The following STAB2 variants were observed in gnomAD, a reference collection of about 807,000 sequenced individuals.
The protein encoded by STAB2 is stabilin-2.
Under a neutral mutation model 338.1 loss-of-function variants are expected in STAB2, and 288 were observed. That is an observed-to-expected ratio of 0.85 (90% CI 0.77 to 0.94). The LOEUF is 0.94. Ranked by LOEUF, STAB2 falls within the 40% of genes least tolerant of loss-of-function variation. The probability of loss-of-function intolerance (pLI) is 0.00; values close to 1 mark genes in which losing one functional copy is unlikely to be tolerated. For missense variants in STAB2, 3,141 were observed against 3,210.1 expected, an observed-to-expected ratio of 0.98 and a Z score of 0.52; for synonymous variants, 1,202 against 1,193.3, an observed-to-expected ratio of 1.01 and a Z score of -0.15.
Position 103,759,268 on chromosome 12 carries a change from C to A in STAB2, c.7243C>A (p.Gln2415Lys). ...CATCACTGCCAGCCAGGACCCACTC[C>A]AACCGGTACAAAGTCTTCTGGGCTT... ...LLITASQDPL[Q>K]PTETRFVDGR... The change falls in exon 65 of 69, where the codon CAA becomes AAA. Residue 2415 changes from glutamine (Q) to lysine (K), a missense_variant. Physicochemically the swap from Gln to Lys is moderately conservative, Grantham distance 53. Transcript: ENST00000388887. The A allele has an allele frequency of 1.2e-6, 2 of 1,614,018 alleles. No individual in the cohort carries two copies. Among genetic ancestry groups the A allele is most frequent in the East Asian group, 2.2e-5 (1 of 44,870 alleles).
chr12:103,659,148 G>T lies in STAB2; in HGVS notation c.1735-1183G>T, dbSNP rs1024757330. Among the ~76,000 whole-genome samples the T allele has an allele frequency of 2.0e-5, 3 of 152,300 alleles. No homozygotes were observed. The South Asian group carries it at 6.2e-4, about 32-fold the overall frequency. ...TTTCAACATTTTTATTGACAACCCT[G>T]CCCTGCACATAATGCTATTGGCTAA... On this transcript the variant is annotated intron_variant, in intron 15 of 68. Coordinates refer to ENST00000388887, the MANE Select transcript of STAB2 (RefSeq NM_017564.10).
chr12:103,740,837 A>G, intron 55 of STAB2, 81 bp downstream of exon 55: 1 of 1,469,238 alleles, frequency 6.8e-7, no homozygotes, highest in Non-Finnish European at 9.0e-7. Context: ...AATGTACCAA[A>G]ATTATAGGGG....
intron 34 of STAB2, among the ~76,000 whole-genome samples, chr12:103,699,502 A>C (rs571456475): frequency 6.6e-6 from 1 of 152,212 alleles, no homozygotes. Flanking sequence ...CAGCTCGTGC[A>C]GGAAACTCCC....
At chr12:103,591,167 G>T in intron 2 of STAB2, 137 bp downstream of exon 2, 6 of 1,166,528 alleles carry the variant, frequency 5.1e-6, no homozygotes, top group Non-Finnish European at 7.4e-6. Context: ...CACAATTTAT[G>T]AACTTAAGTC....
intron 63 of STAB2, among the ~76,000 whole-genome samples, chr12:103,757,037 T>A (rs944933570): frequency 7.0e-6 from 1 of 142,322 alleles, no homozygotes; most frequent in Non-Finnish European, 1.5e-5. Context: ...ATATAAAATA[T>A]ATATATTAAA....
Position 103,766,425 on chromosome 12 carries a change from A to G in STAB2, c.*89A>G. 1 of 1,456,072 alleles carries G rather than the reference A, an allele frequency of 6.9e-7. No homozygotes were observed. The highest frequency in any genetic ancestry group is 9.3e-7 in the Non-Finnish European group (1 of 1,070,874). 90.2% of individuals were successfully genotyped at this position (1,456,072 alleles called of 1,614,324 possible). A position where few individuals can be genotyped will look rare whatever the true frequency, so the allele number is the denominator to read the frequency against. On this transcript the variant is annotated 3_prime_UTR_variant, in exon 69 of 69. Coordinates refer to ENST00000388887, the MANE Select transcript of STAB2 (RefSeq NM_017564.10). ...AGCACCAGTTGCCTTTTAGGAACGT[A>G]AAGTCCTTTAAGCACTCAGAAGCCA...
chr12:103,758,193 C>T lies in STAB2; in HGVS notation c.7011C>T (p.Ser2337=). The change falls in exon 64 of 69, where the codon AGC becomes AGT. Residue 2337 remains serine (S), a synonymous_variant. Coordinates refer to ENST00000388887, the MANE Select transcript of STAB2 (RefSeq NM_017564.10). The part of the protein sequence containing the change: ...FLTEVLAYSN[S]SARGRAFLEH... ...AGGAAGTGCTGGCCTATTCCAACAG[C>T]TCAGCTCGAGGCCGTGCATTTCTAG... The T allele has an allele frequency of 1.9e-6, 3 of 1,614,174 alleles. No homozygotes were observed. Among genetic ancestry groups the T allele is most frequent in the Non-Finnish European group, 2.5e-6 (3 of 1,180,042 alleles).
At chr12:103,663,847 G>C (rs994013280) in intron 18 of STAB2, among the ~76,000 whole-genome samples, 7 of 152,134 alleles carry the variant, frequency 4.6e-5, no homozygotes, top group Admixed American at 4.6e-4. Context: ...ATCCAATCAG[G>C]GTTTTCCAAC....
intron 6 of STAB2, among the ~76,000 whole-genome samples, chr12:103,635,796 C>G (rs1257927617): frequency 6.6e-6 from 1 of 152,212 alleles, no homozygotes; most frequent in Non-Finnish European, 1.5e-5. Context: ...TAACAGATTC[C>G]TTTGGCACCT....
chr12:103,728,892 G>A lies in STAB2; in HGVS notation c.4979G>A (p.Arg1660Gln), dbSNP rs755121692. 34 of 1,613,796 alleles carry A rather than the reference G, an allele frequency of 2.1e-5. No homozygotes were observed. In the Admixed American group the frequency reaches 3.2e-4, roughly 15 times the overall value. ...DKYGLMPQVL[R>Q]YHVVACHQLL... The stretch of plus-strand genomic sequence containing the variant: ...TACGGTTTAATGCCCCAGGTTCTTC[G>A]GTACCATGTGGTCGCCTGCCACCAG... Residue 1660 changes from arginine to glutamine, a missense_variant, in exon 48 of 69, where the codon CGG becomes CAG. Transcript: ENST00000388887.
At chr12:103,634,235 T>C (rs1354970348) in intron 6 of STAB2, among the ~76,000 whole-genome samples, 4 of 152,194 alleles carry the variant, frequency 2.6e-5, no homozygotes, top group Non-Finnish European at 5.9e-5. Context: ...CTGGCTACTA[T>C]TGGTATTTTA....
rs553596989 is a variant in STAB2 at position 103,748,853 on chromosome 12, G to A, written c.6245-110G>A. On this transcript the variant is annotated intron_variant, in intron 58 of 68. Coordinates refer to ENST00000388887, the MANE Select transcript of STAB2 (RefSeq NM_017564.10). ...GAGAGAGAAGCACGAACACGCAGGGGCCCATTTACTCACCCAACACCACTA... is the reference window on the plus strand; with the variant it reads ...GAGAGAGAAGCACGAACACGCAGGGACCCATTTACTCACCCAACACCACTA... 1.2e-5 allele frequency: 13 copies of A among 1,129,934 alleles called. No homozygotes were observed. The South Asian group carries it at 2.1e-4, about 19-fold the overall frequency. 70.0% of individuals were successfully genotyped at this position (1,129,934 alleles called of 1,614,324 possible).
chr12:103,749,926 G>A (rs760270825), intron 59 of STAB2, among the ~76,000 whole-genome samples: 14 of 147,388 alleles, frequency 9.5e-5, no homozygotes, highest in African/African-American at 1.5e-4. Context: ...GATAATGTCC[G>A]TTCCTGGTTA....
In STAB2 at chr12:103,611,535, T is replaced by G. The variant is rs188385823; in HGVS notation, c.332-8933T>G. On this transcript the variant is annotated intron_variant, in intron 3 of 68. Transcript: ENST00000388887. Reference sequence around the variant, plus strand: ...CCCCTGCCTTTTTTTGTTTTCCATTTGCTTGGTAGATCTTCCTCCATCCCT... The same window carrying G: ...CCCCTGCCTTTTTTTGTTTTCCATTGGCTTGGTAGATCTTCCTCCATCCCT... Among the ~76,000 whole-genome samples, 576 of 152,330 alleles carry G rather than the reference T, an allele frequency of 3.8e-3. 5 individuals carry two copies. The highest frequency in any genetic ancestry group is 0.013 in the African/African-American group (557 of 41,558).
At chr12:103,748,015 G>T (rs1282737284) in intron 58 of STAB2, among the ~76,000 whole-genome samples, 1 of 144,970 alleles carries the variant, frequency 6.9e-6, no homozygotes, top group Non-Finnish European at 1.5e-5. Context: ...AAAAAAAAAA[G>T]GGAAGAAGAA....
At chr12:103,620,340 C>T (rs1269911911) in intron 3 of STAB2, 128 bp from the exon 4 acceptor site, 1 of 804,114 alleles carries the variant, frequency 1.2e-6, no homozygotes, top group Non-Finnish European at 2.0e-6. Flanking sequence ...CCCTAGATGA[C>T]ACCAACAGGT....
chr12:103,686,644 T>A (rs1877459785), intron 27 of STAB2, among the ~76,000 whole-genome samples: 1 of 152,182 alleles, frequency 6.6e-6, no homozygotes, highest in Non-Finnish European at 1.5e-5. Context: ...TAGCTGGGAC[T>A]ACAAGAATGT....
chr12:103,745,153 A>G lies in STAB2; in HGVS notation c.6032-20A>G. 1 of 1,607,164 alleles carries G rather than the reference A, an allele frequency of 6.2e-7. No individual in the cohort carries two copies. The highest frequency in any genetic ancestry group is 8.5e-7 in the Non-Finnish European group (1 of 1,176,538). On this transcript the variant is annotated intron_variant, in intron 56 of 68. Coordinates refer to ENST00000388887, the MANE Select transcript of STAB2 (RefSeq NM_017564.10). ...GGGTCTCAACCCCTGATGACTGACCATATCCTAATTTGTTTACAGCCTGTG... is the reference window on the plus strand; with the variant it reads ...GGGTCTCAACCCCTGATGACTGACCGTATCCTAATTTGTTTACAGCCTGTG...
At chr12:103,670,149 A>C (rs530127964) in intron 21 of STAB2, among the ~76,000 whole-genome samples, 1 of 152,174 alleles carries the variant, frequency 6.6e-6, no homozygotes, top group Admixed American at 6.5e-5. Flanking sequence ...GGCTTTTTCA[A>C]GGGGAAAGTA....
Sources: gnomAD v4.1 joint callset for allele counts (sites outside exome capture counted in the v4.1 genomes callset) on GRCh38, gnomAD v4.1.1 for gene constraint, MANE v1.5 for transcripts, NCBI Gene and HGNC (gene_info 2026-07-23, HGNC 2026-07-21) for gene names.